The following ZBBX variants were observed in gnomAD, a reference collection of about 807,000 sequenced individuals.
The protein encoded by ZBBX is zinc finger B-box domain containing.
A neutral mutation model predicts 108.5 loss-of-function variants in ZBBX; 101 were observed. The observed-to-expected ratio is 0.93, with a 90% CI of 0.79 to 1.10. The LOEUF (loss-of-function observed/expected upper bound fraction) is 1.10, where lower values mean the gene tolerates loss of function less well. ZBBX is among the 50% of genes least tolerant of loss of function. The pLI, the probability that ZBBX is intolerant of heterozygous loss-of-function variation, is 0.00. For synonymous variants in ZBBX, 356 were observed against 323.4 expected (o/e 1.10, Z -1.08); for missense variants, 1,009 against 941.4 (o/e 1.07, Z -0.94).
chr3:167,228,458 C>T, the ZBBX span, among the ~76,000 whole-genome samples: 1 of 151,758 alleles, frequency 6.6e-6, no homozygotes, highest in African/African-American at 2.4e-5. Context: ...TAGAACAGTG[C>T]TATTTAAACA....
chr3:167,370,036 G>A (rs1217293433), intron 4 of ZBBX, among the ~76,000 whole-genome samples: 1 of 152,168 alleles, frequency 6.6e-6, no homozygotes, highest in Non-Finnish European at 1.5e-5. Flanking sequence ...GATTTATATT[G>A]TATGAACAAT....
rs61671930 is a variant in ZBBX, at chr3:167,397,142, T to TAAAAAAAAAAAAAAAAAAAAAAA, written c.-446+10561_-446+10583dup. ...GTCGTGAAGAAGAGGTTCTTGGTGGTAAAAAAAAAAAAAAAAAAAAAAAAT... is the reference window on the plus strand; with the variant it reads ...GTCGTGAAGAAGAGGTTCTTGGTGGTAAAAAAAAAAAAAAAAAAAAAAAAAAAAAAAAAAAAAAAAAAAAAAAT... On this transcript the variant is annotated intron_variant, in intron 1 of 21. Coordinates refer to the ZBBX transcript ENST00000455345. 2.2e-3 allele frequency among the ~76,000 whole-genome samples: 158 copies of TAAAAAAAAAAAAAAAAAAAAAAA among 72,378 alleles called. 12 individuals carry two copies. The highest frequency in any genetic ancestry group is 6.7e-3 in the African/African-American group (125 of 18,688). 47.5% of individuals were successfully genotyped at this position (72,378 alleles called of 152,430 possible). A position where few individuals can be genotyped will look rare whatever the true frequency, so the allele number is the denominator to read the frequency against.
chr3:167,306,820 T>C (rs1270364959), intron 16 of ZBBX, among the ~76,000 whole-genome samples: 1 of 152,200 alleles, frequency 6.6e-6, no homozygotes, highest in Non-Finnish European at 1.5e-5. Context: ...CTTCTTCTGG[T>C]TATCCCTTAC....
the ZBBX span, among the ~76,000 whole-genome samples, chr3:167,219,744 G>A: frequency 1.3e-5 from 2 of 151,446 alleles, no homozygotes; most frequent in South Asian, 4.2e-4. Context: ...ATTAGTAGAA[G>A]AAAATAAATA....
intron 19 of ZBBX, among the ~76,000 whole-genome samples, chr3:167,285,655 T>A (rs1014044690): frequency 9.2e-5 from 14 of 152,130 alleles, no homozygotes; most frequent in African/African-American, 3.1e-4. Context: ...CGTCTTAAAT[T>A]CCTTCCAACT....
chr3:167,389,826 T>TC (rs397693086), intron 1 of ZBBX, among the ~76,000 whole-genome samples: 1 of 151,802 alleles, frequency 6.6e-6, no homozygotes, highest in Non-Finnish European at 1.5e-5. Flanking sequence ...TGTTTTTTTT[T>TC]CTTGTAAATT....
intron 20 of ZBBX, among the ~76,000 whole-genome samples, chr3:167,250,237 C>A (rs985957950): frequency 6.6e-6 from 1 of 152,192 alleles, no homozygotes; most frequent in East Asian, 1.9e-4. Context: ...CCTAAAAAAG[C>A]GAGAGGAGAT....
the ZBBX span, among the ~76,000 whole-genome samples, chr3:167,217,423 C>G: frequency 0.013 from 2,036 of 152,240 alleles, 22 homozygotes; most frequent in South Asian, 0.026. Flanking sequence ...GAGATACCAT[C>G]TCACATCAGT....
intron 9 of ZBBX, among the ~76,000 whole-genome samples, chr3:167,348,436 AAG>A (rs112122859): frequency 0.8 from 119,061 of 149,060 alleles, 47,590 homozygotes; most frequent in East Asian, 0.93. Flanking sequence ...GGGAGAGAGA[AAG>A]AGAGAGAAGG....
intron 18 of ZBBX, among the ~76,000 whole-genome samples, chr3:167,291,083 G>T (rs758024825): frequency 6.6e-6 from 1 of 152,036 alleles, no homozygotes; most frequent in Admixed American, 6.5e-5. Flanking sequence ...ACGTTTTATT[G>T]GTGTACCTCA....
downstream of ZBBX, among the ~76,000 whole-genome samples, chr3:167,238,032 TTG>T (rs1365640744): frequency 3.3e-5 from 5 of 151,940 alleles, no homozygotes; most frequent in African/African-American, 7.2e-5. Context: ...GAGGAACAAT[TTG>T]TTTCTTCATC....
At chr3:167,308,809 G>GAAC (rs1734095844) in intron 16 of ZBBX, among the ~76,000 whole-genome samples, 1 of 152,156 alleles carries the variant, frequency 6.6e-6, no homozygotes, top group Non-Finnish European at 1.5e-5. Flanking sequence ...AAGGGTGAGG[G>GAAC]TGGTAGGAGG....
chr3:167,221,536 T>G, the ZBBX span, among the ~76,000 whole-genome samples: 1 of 151,890 alleles, frequency 6.6e-6, no homozygotes, highest in Non-Finnish European at 1.5e-5. Context: ...AATAAAGACT[T>G]AAATCTAAGA....
intron 12 of ZBBX, among the ~76,000 whole-genome samples, chr3:167,318,985 C>G (rs1735936068): frequency 6.6e-6 from 1 of 151,882 alleles, no homozygotes; most frequent in African/African-American, 2.4e-5. Context: ...GCAACCAGAA[C>G]TCTCGTACCT....
chr3:167,236,489 T>C (rs1442352130), downstream of ZBBX, among the ~76,000 whole-genome samples: 1 of 151,832 alleles, frequency 6.6e-6, no homozygotes, highest in African/African-American at 2.4e-5. Flanking sequence ...TCAACAACGT[T>C]CCTTTGAGCT....
chr3:167,351,688 C>G (rs1171164129), intron 8 of ZBBX, among the ~76,000 whole-genome samples: 1 of 152,118 alleles, frequency 6.6e-6, no homozygotes, highest in African/African-American at 2.4e-5. Context: ...CATAGGCTTC[C>G]AAGTGCTGAG....
chr3:167,352,474 G>A (rs181014593), intron 8 of ZBBX, among the ~76,000 whole-genome samples: 194 of 152,004 alleles, frequency 1.3e-3, no homozygotes, highest in South Asian at 0.011. Flanking sequence ...GAGTAGTGAC[G>A]TTGTATCAGT....
chr3:167,217,154 G>A, the ZBBX span, among the ~76,000 whole-genome samples: 2 of 152,102 alleles, frequency 1.3e-5, no homozygotes, highest in Non-Finnish European at 2.9e-5. Context: ...CTTCTCCACA[G>A]CAAAATAAGC....
chr3:167,317,065 T>C lies in ZBBX; in HGVS notation c.1134A>G (p.Pro378=), dbSNP rs1270173418. Residue 378 remains proline (P), a synonymous_variant, in exon 14 of 22, where the codon CCA becomes CCG. Coordinates refer to ENST00000675490, the MANE Select transcript of ZBBX (RefSeq NM_001199201.2). ...TKVQHTALLL[P]VETLNIERPE... is the part of the protein sequence containing the mutation. ...GTCTCTCTATGTTTAATGTTTCTAC[T>C]GGCAATAAAAGAGCTGTGTGTTGTA... 1 of 1,611,120 alleles carries C rather than the reference T, an allele frequency of 6.2e-7. No individual in the cohort carries two copies. Among genetic ancestry groups the C allele is most frequent in the East Asian group, 2.2e-5 (1 of 44,686 alleles).
Sources: allele counts gnomAD v4.1 joint callset (sites outside exome capture counted in the v4.1 genomes callset), GRCh38; gene constraint gnomAD v4.1.1; transcripts MANE v1.5; gene names NCBI Gene and HGNC (gene_info 2026-07-23, HGNC 2026-07-21).